The following ADARB2 variants were observed in gnomAD, a reference collection of about 807,000 sequenced individuals.
ADARB2 encodes the protein inactive double-stranded RNA-specific editase B2.
ADARB2 carries 25 observed loss-of-function variants against 62.2 expected under a neutral mutation model. The ratio of observed to expected loss-of-function variants is 0.40; its 90% CI spans 0.29 to 0.56. ADARB2 has a LOEUF of 0.56. Ranked by LOEUF, ADARB2 falls within the 20% of genes least tolerant of loss-of-function variation. The pLI, the probability that ADARB2 is intolerant of heterozygous loss-of-function variation, is 0.43. For missense variants in ADARB2, 1,071 were observed against 1,077.4 expected (o/e 0.99, Z 0.08); for synonymous variants, 572 against 500.8 (o/e 1.14, Z -1.90).
At chr10:1,639,738 A>G (rs1453238852) in intron 1 of ADARB2, among the ~76,000 whole-genome samples, 19 of 152,166 alleles carry the variant, frequency 1.2e-4, no homozygotes, top group Non-Finnish European at 7.4e-5. Flanking sequence ...GCTACTCAGG[A>G]GGCTGAGGCA....
At chr10:1,485,308 A>G (rs905523451) in intron 1 of ADARB2, among the ~76,000 whole-genome samples, 1 of 152,064 alleles carries the variant, frequency 6.6e-6, no homozygotes, top group African/African-American at 2.4e-5. Context: ...GTATGCAGGT[A>G]GATATGTAGG....
chr10:1,406,307 C>T (rs1276701403), intron 1 of ADARB2, among the ~76,000 whole-genome samples: 4 of 152,222 alleles, frequency 2.6e-5, no homozygotes, highest in South Asian at 2.1e-4. Flanking sequence ...GAAGGACACA[C>T]CTCACTCTCA....
rs1454838180 is a variant in ADARB2 at position 1,182,397 on chromosome 10, G to T, written c.*796C>A. ...AGCACGCGTGGGCCGGGTGTTTCCA[G>T]ACTCCCCACATCTGCAGCACGCGTG... On this transcript the variant is annotated 3_prime_UTR_variant, in exon 10 of 10. Transcript: ENST00000381312. 1.3e-5 allele frequency: 2 copies of T among 153,002 alleles called. No homozygotes were observed. The highest frequency in any genetic ancestry group is 4.9e-5 in the African/African-American group (2 of 41,170). The allele number at this position is 153,002 out of a possible 1,614,324, so 9.5% of individuals were successfully genotyped here. A position where few individuals can be genotyped will look rare whatever the true frequency, so the allele number is the denominator to read the frequency against.
At chr10:1,362,435 G>C (rs139457895) in intron 3 of ADARB2, among the ~76,000 whole-genome samples, 1 of 152,250 alleles carries the variant, frequency 6.6e-6, no homozygotes. Context: ...CCAGACAGTT[G>C]AGAACATGTC....
At chr10:1,691,003 C>T (rs146984089) in intron 1 of ADARB2, among the ~76,000 whole-genome samples, 168 of 152,282 alleles carry the variant, frequency 1.1e-3, no homozygotes, top group Middle Eastern at 6.8e-3. Context: ...TGCGGGTGAC[C>T]CAACCCCTCT....
At chr10:1,470,138 C>T (rs1831302641) in intron 1 of ADARB2, among the ~76,000 whole-genome samples, 2 of 152,256 alleles carry the variant, frequency 1.3e-5, no homozygotes, top group Admixed American at 1.3e-4. Flanking sequence ...TGCGTCCATC[C>T]CGTCTCACAC....
At chr10:1,476,642 C>T (rs1415698825) in intron 1 of ADARB2, among the ~76,000 whole-genome samples, 1 of 152,218 alleles carries the variant, frequency 6.6e-6, no homozygotes, top group Non-Finnish European at 1.5e-5. Context: ...ACCTTATCCT[C>T]TTCCATCTGA....
intron 3 of ADARB2, among the ~76,000 whole-genome samples, chr10:1,299,578 C>T (rs891791903): frequency 6.6e-6 from 1 of 152,180 alleles, no homozygotes; most frequent in African/African-American, 2.4e-5. Flanking sequence ...TCAGCCCTGA[C>T]CACAGGAGGA....
rs183046541 is a variant in ADARB2 at position 1,690,573 on chromosome 10, G to A, written c.100+46478C>T. 2.0e-4 allele frequency among the ~76,000 whole-genome samples: 31 copies of A among 152,252 alleles called. No homozygotes were observed. In the East Asian group the frequency reaches 5.2e-3, roughly 26 times the overall value. On this transcript the variant is annotated intron_variant, in intron 1 of 9. Coordinates refer to ENST00000381312, the MANE Select transcript of ADARB2 (RefSeq NM_018702.4). ...ACAGTGCAAGGGGTTCTTGAGGGCT[G>A]GTGAAAAATAACTGGAAGGAGAGAA...
chr10:1,277,754 T>G (rs530511176), intron 3 of ADARB2, among the ~76,000 whole-genome samples: 18 of 152,324 alleles, frequency 1.2e-4, no homozygotes, highest in African/African-American at 2.2e-4. Flanking sequence ...ACTCATTTTA[T>G]GAGGCCAGCA....
chr10:1,387,794 T>G (rs998966073), intron 1 of ADARB2, among the ~76,000 whole-genome samples: 4 of 151,944 alleles, frequency 2.6e-5, no homozygotes, highest in Non-Finnish European at 5.9e-5. Context: ...AATGATGTTA[T>G]AAGAAAAAAA....
chr10:1,481,596 G>A (rs542666071), intron 1 of ADARB2, among the ~76,000 whole-genome samples: 14 of 149,476 alleles, frequency 9.4e-5, no homozygotes, highest in African/African-American at 3.4e-4. Flanking sequence ...ATATGGGCTG[G>A]GCACAGTGGC....
chr10:1,390,283 A>C (rs957603236), intron 1 of ADARB2, among the ~76,000 whole-genome samples: 10 of 152,228 alleles, frequency 6.6e-5, no homozygotes, highest in African/African-American at 2.4e-4. Flanking sequence ...AAAGCAGAGC[A>C]TGGGCATCTC....
chr10:1,271,689 T>TA (rs1374476278), intron 3 of ADARB2, among the ~76,000 whole-genome samples: 1 of 152,078 alleles, frequency 6.6e-6, no homozygotes, highest in Admixed American at 6.5e-5. Context: ...CCCCTTAACA[T>TA]AATCTGATTA....
At chr10:1,277,702 T>C (rs1831330965) in intron 3 of ADARB2, among the ~76,000 whole-genome samples, 1 of 152,192 alleles carries the variant, frequency 6.6e-6, no homozygotes, top group Admixed American at 6.5e-5. Context: ...CCATTCCTTC[T>C]GAAACTATTC....
intron 1 of ADARB2, among the ~76,000 whole-genome samples, chr10:1,561,151 A>G (rs1832780604): frequency 6.6e-6 from 1 of 152,254 alleles, no homozygotes. Context: ...CTTGTAATCA[A>G]TATAAAGACA....
chr10:1,230,547 T>C (rs1230498305), intron 6 of ADARB2, among the ~76,000 whole-genome samples: 2 of 152,128 alleles, frequency 1.3e-5, no homozygotes, highest in East Asian at 1.9e-4. Flanking sequence ...CTGCCTCTTA[T>C]TGTAAAGGAG....
intron 1 of ADARB2, among the ~76,000 whole-genome samples, chr10:1,615,102 G>A (rs1874996): frequency 8.4e-4 from 127 of 152,084 alleles, no homozygotes; most frequent in Admixed American, 5.4e-3. Flanking sequence ...GAGGCCTGAA[G>A]TTTTAAATTT....
At chr10:1,275,354 G>A (rs1401598870) in intron 3 of ADARB2, among the ~76,000 whole-genome samples, 3 of 152,148 alleles carry the variant, frequency 2.0e-5, no homozygotes, top group African/African-American at 7.2e-5. Flanking sequence ...GGTGGGAGGT[G>A]CAGCTGACAG....
Sources: gnomAD v4.1 joint callset for allele counts (sites outside exome capture counted in the v4.1 genomes callset) on GRCh38, gnomAD v4.1.1 for gene constraint, MANE v1.5 for transcripts, NCBI Gene and HGNC (gene_info 2026-07-23, HGNC 2026-07-21) for gene names.